Variants in PCDH15 observed in about 807,000 individuals in gnomAD.
The protein encoded by PCDH15 is protocadherin-15.
In PCDH15, 129 loss-of-function variants were observed where a neutral mutation model predicts 178.5. The ratio of observed to expected loss-of-function variants is 0.72; its 90% CI spans 0.63 to 0.84. The LOEUF is 0.84. Among genes scored for constraint, PCDH15 ranks in the 40% least tolerant of loss-of-function variants. The pLI is 0.00. For synonymous variants in PCDH15, 800 were observed against 732.0 expected (o/e 1.09, Z -1.50); for missense variants, 2,230 against 2,099.9 (o/e 1.06, Z -1.21).
At chr10:53,841,391 G>A (rs563751875) in intron 28 of PCDH15, among the ~76,000 whole-genome samples, 1 of 152,052 alleles carries the variant, frequency 6.6e-6, no homozygotes, top group East Asian at 1.9e-4. Context: ...TTTTTTAGGG[G>A]GAGAAGGGCA....
At chr10:53,987,062 C>T (rs1026915488) in intron 21 of PCDH15, among the ~76,000 whole-genome samples, 3 of 152,028 alleles carry the variant, frequency 2.0e-5, no homozygotes, top group South Asian at 2.1e-4. Context: ...GAGGGGCCAT[C>T]ATACACCAGA....
At chr10:55,067,878 T>C (rs533092305) in intron 2 of PCDH15, among the ~76,000 whole-genome samples, 37 of 152,186 alleles carry the variant, frequency 2.4e-4, no homozygotes, top group African/African-American at 8.9e-4. Context: ...TGTTGGCCAT[T>C]TGTATGTCTT....
chr10:53,901,830 G>T (rs1200640226), intron 26 of PCDH15, among the ~76,000 whole-genome samples: 2 of 152,120 alleles, frequency 1.3e-5, no homozygotes, highest in African/African-American at 4.8e-5. Context: ...TATCCAAAAA[G>T]AACTATCTTA....
At chr10:54,021,645 A>T (rs1426213611) in intron 19 of PCDH15, among the ~76,000 whole-genome samples, 1 of 151,792 alleles carries the variant, frequency 6.6e-6, no homozygotes, top group East Asian at 1.9e-4. Flanking sequence ...TTCACCATTT[A>T]GAAATAAGTT....
intron 2 of PCDH15, among the ~76,000 whole-genome samples, chr10:55,589,508 C>A (rs942786866): frequency 3.3e-5 from 5 of 151,788 alleles, no homozygotes; most frequent in Non-Finnish European, 5.9e-5. Flanking sequence ...AAAGAAACTA[C>A]CATCAGAGTG....
intron 2 of PCDH15, among the ~76,000 whole-genome samples, chr10:55,026,528 A>C (rs1840479123): frequency 6.6e-6 from 1 of 151,954 alleles, no homozygotes; most frequent in African/African-American, 2.4e-5. Context: ...TTTGGAATTC[A>C]ACTACAAAGA....
At chr10:55,299,456 G>A (rs1331965488) in intron 1 of PCDH15, among the ~76,000 whole-genome samples, 2 of 152,170 alleles carry the variant, frequency 1.3e-5, no homozygotes, top group African/African-American at 4.8e-5. Flanking sequence ...AGAAAATGAT[G>A]TCTTTCATGT....
intron 2 of PCDH15, among the ~76,000 whole-genome samples, chr10:54,937,712 C>T (rs1733764): frequency 0.14 from 21,593 of 151,836 alleles, 1,699 homozygotes; most frequent in East Asian, 0.23. Flanking sequence ...TAGTAATAAT[C>T]ACCACTAAAT....
At chr10:54,749,688 T>C (rs1050810701) in intron 1 of PCDH15, among the ~76,000 whole-genome samples, 1 of 152,176 alleles carries the variant, frequency 6.6e-6, no homozygotes, top group African/African-American at 2.4e-5. Flanking sequence ...GTACTTTGGC[T>C]TATTATTGGA....
intron 2 of PCDH15, among the ~76,000 whole-genome samples, chr10:55,346,801 C>T (rs1194783273): frequency 6.6e-6 from 1 of 151,678 alleles, no homozygotes; most frequent in Admixed American, 6.6e-5. Context: ...TGTAGGTCCA[C>T]CTTGGCTGCT....
rs145834424 is a variant in PCDH15 at position 53,943,955 on chromosome 10, G to A, written c.3123-2980C>T. ...TTGTTTTAGGTTGTGGAAAGTACCA[G>A]TTACATGATGGAGGCAAATTGCATA... On this transcript the variant is annotated intron_variant, in intron 23 of 37. Coordinates refer to ENST00000644397, the MANE Select transcript of PCDH15 (RefSeq NM_001384140.1). 2.4e-3 allele frequency among the ~76,000 whole-genome samples: 362 copies of A among 152,228 alleles called. 1 individual carries two copies. The highest frequency in any genetic ancestry group is 4.8e-3 in the Non-Finnish European group (324 of 68,028).
chr10:55,518,492 A>G (rs557569795), intron 2 of PCDH15, among the ~76,000 whole-genome samples: 2 of 152,116 alleles, frequency 1.3e-5, no homozygotes, highest in East Asian at 3.9e-4. Flanking sequence ...AGACAGAAAG[A>G]GCAGAGAGTA....
At chr10:53,946,543 T>C (rs1323243690) in intron 23 of PCDH15, among the ~76,000 whole-genome samples, 2 of 152,238 alleles carry the variant, frequency 1.3e-5, no homozygotes, top group Admixed American at 6.5e-5. Flanking sequence ...GTTTCCTCTA[T>C]GTCTTTTTGT....
At chr10:54,856,554 C>T (rs1033012490) in intron 3 of PCDH15, among the ~76,000 whole-genome samples, 9 of 152,140 alleles carry the variant, frequency 5.9e-5, no homozygotes, top group African/African-American at 1.7e-4. Flanking sequence ...ACATTTGCCC[C>T]TATTTTATAG....
intron 26 of PCDH15, among the ~76,000 whole-genome samples, chr10:53,879,308 A>G (rs1486790148): frequency 6.6e-6 from 1 of 152,182 alleles, no homozygotes; most frequent in Non-Finnish European, 1.5e-5. Flanking sequence ...ATGTCTCTTT[A>G]CTGAATGCTA....
intron 2 of PCDH15, among the ~76,000 whole-genome samples, chr10:55,555,394 G>A (rs533022693): frequency 2.0e-5 from 3 of 152,028 alleles, no homozygotes; most frequent in African/African-American, 2.4e-5. Context: ...TAAGAAAGCC[G>A]TTTTATTTTC....
At chr10:53,965,123 T>C (rs1034566216) in intron 21 of PCDH15, among the ~76,000 whole-genome samples, 36 of 151,764 alleles carry the variant, frequency 2.4e-4, no homozygotes, top group African/African-American at 8.2e-4. Context: ...AGTTGCACGA[T>C]CTCCGCTCAC....
chr10:55,096,588 T>C (rs1456423365), intron 2 of PCDH15, among the ~76,000 whole-genome samples: 4 of 152,120 alleles, frequency 2.6e-5, no homozygotes, highest in Non-Finnish European at 4.4e-5. Flanking sequence ...TCTCCAGAAA[T>C]TGTTTCTCTT....
At chr10:54,839,689 A>G (rs1953382847) in intron 3 of PCDH15, among the ~76,000 whole-genome samples, 3 of 152,146 alleles carry the variant, frequency 2.0e-5, no homozygotes, top group Admixed American at 1.3e-4. Context: ...TAAACCCAAG[A>G]AAGATCATCA....
Sources: gnomAD v4.1 joint callset for allele counts (sites outside exome capture counted in the v4.1 genomes callset) on GRCh38, gnomAD v4.1.1 for gene constraint, MANE v1.5 for transcripts, NCBI Gene and HGNC (gene_info 2026-07-23, HGNC 2026-07-21) for gene names.